Variants in RIT2 observed in about 807,000 individuals in gnomAD.
RIT2 encodes Ras like without CAAX 2.
RIT2 carries 24 observed loss-of-function variants against 23.7 expected under a neutral mutation model. The ratio of observed to expected loss-of-function variants is 1.01; its 90% CI spans 0.73 to 1.43. The LOEUF is 1.43. Ranked by LOEUF, RIT2 falls within the 40% of genes most tolerant of loss-of-function variation. RIT2 has a pLI of 0.00. For synonymous variants in RIT2, 107 were observed against 91.1 expected, an observed-to-expected ratio of 1.17 and a Z score of -0.99; for missense variants, 236 against 266.9, an observed-to-expected ratio of 0.88 and a Z score of 0.81.
At chr18:43,103,193 A>G (rs950220748) in intron 1 of RIT2, among the ~76,000 whole-genome samples, 6 of 152,006 alleles carry the variant, frequency 3.9e-5, no homozygotes, top group African/African-American at 1.4e-4. Context: ...TTCTTTCTCT[A>G]TTATTCATGG....
chr18:42,878,576 T>C (rs1273032776), intron 4 of RIT2, among the ~76,000 whole-genome samples: 3 of 151,372 alleles, frequency 2.0e-5, no homozygotes, highest in African/African-American at 7.3e-5. Flanking sequence ...TGTGTGTGTG[T>C]GTGTGTGTGT....
intron 1 of RIT2, among the ~76,000 whole-genome samples, chr18:43,077,888 C>T (rs774102023): frequency 6.6e-6 from 1 of 152,106 alleles, no homozygotes; most frequent in African/African-American, 2.4e-5. Flanking sequence ...ATTATGCTTC[C>T]ATTTTCTGTG....
intron 4 of RIT2, among the ~76,000 whole-genome samples, chr18:42,828,779 A>C (rs559178313): frequency 5.2e-4 from 79 of 152,242 alleles, no homozygotes; most frequent in Non-Finnish European, 1.1e-3. Flanking sequence ...AGGCGACTGA[A>C]AAGGCTTAGA....
At chr18:42,954,716 C>G (rs540903908) in intron 3 of RIT2, among the ~76,000 whole-genome samples, 17 of 152,044 alleles carry the variant, frequency 1.1e-4, no homozygotes, top group Non-Finnish European at 2.5e-4. Flanking sequence ...TACAACGTAG[C>G]CTTCAGATGA....
chr18:42,788,687 AC>A (rs1296879317), intron 4 of RIT2, among the ~76,000 whole-genome samples: 1 of 152,202 alleles, frequency 6.6e-6, no homozygotes, highest in African/African-American at 2.4e-5. Context: ...AATTCTAATT[AC>A]TATTTGAAAG....
chr18:43,077,052 G>A (rs1913039783), intron 1 of RIT2, among the ~76,000 whole-genome samples: 3 of 135,364 alleles, frequency 2.2e-5, no homozygotes, highest in South Asian at 4.8e-4. Flanking sequence ...GCAGTGAGCC[G>A]AGATCCCGCC....
At chr18:43,093,499 C>A (rs562235031) in intron 1 of RIT2, among the ~76,000 whole-genome samples, 1 of 149,134 alleles carries the variant, frequency 6.7e-6, no homozygotes, top group Admixed American at 6.9e-5. Context: ...TTTATTTATT[C>A]CCCCTTTGTT....
Position 42,758,210 on chromosome 18 carries a change from A to G in RIT2, c.427-14490T>C, listed in dbSNP as rs567275149. 4.0e-4 allele frequency among the ~76,000 whole-genome samples: 61 copies of G among 151,322 alleles called. No homozygotes were observed. In the South Asian group the frequency reaches 0.012, roughly 29 times the overall value. On this transcript the variant is annotated intron_variant, in intron 4 of 4. Coordinates refer to ENST00000326695, the MANE Select transcript of RIT2 (RefSeq NM_002930.4). ...TAGGGCTGGGGAAGGAAAGGATTAG[A>G]AAAAAAAAGACGTACAATTTCAAAA...
intron 2 of RIT2, among the ~76,000 whole-genome samples, chr18:43,005,751 T>A (rs1400880144): frequency 3.3e-5 from 5 of 151,838 alleles, no homozygotes; most frequent in African/African-American, 1.2e-4. Context: ...TTAAGACTTA[T>A]TACTGAATGC....
intron 2 of RIT2, among the ~76,000 whole-genome samples, chr18:42,981,614 C>T (rs11663120): frequency 0.46 from 70,249 of 151,262 alleles, 19,995 homozygotes; most frequent in Non-Finnish European, 0.66. Flanking sequence ...GCCATAATCT[C>T]GAATGTTGAA....
At position 43,089,337 on chromosome 18, in the gene RIT2, A is replaced by G. The variant is rs553055012; in HGVS notation, c.103+26080T>C. The stretch of plus-strand genomic sequence containing the variant: ...AATCACATTCACAATTGCCATAAAA[A>G]AGAATAAAATACCTAGGAATACAGC... On this transcript the variant is annotated intron_variant, in intron 1 of 4. Coordinates refer to ENST00000326695, the MANE Select transcript of RIT2 (RefSeq NM_002930.4). 1.1e-3 allele frequency among the ~76,000 whole-genome samples: 172 copies of G among 152,170 alleles called. 1 individual carries two copies. Among genetic ancestry groups the G allele is most frequent in the Non-Finnish European group, 1.9e-3 (128 of 67,956 alleles).
At chr18:42,877,479 AT>A (rs1156329539) in intron 4 of RIT2, among the ~76,000 whole-genome samples, 8 of 150,546 alleles carry the variant, frequency 5.3e-5, no homozygotes, top group African/African-American at 1.7e-4. Flanking sequence ...TGAGTAAACA[AT>A]TTAAAAAAAA....
At chr18:43,029,107 A>G (rs1165113002) in intron 2 of RIT2, among the ~76,000 whole-genome samples, 1 of 152,038 alleles carries the variant, frequency 6.6e-6, no homozygotes, top group Non-Finnish European at 1.5e-5. Context: ...TTCCCAAGTC[A>G]TTCAGGAAGA....
intron 4 of RIT2, among the ~76,000 whole-genome samples, chr18:42,864,998 A>C (rs1907432661): frequency 6.6e-6 from 1 of 152,198 alleles, no homozygotes; most frequent in Non-Finnish European, 1.5e-5. Flanking sequence ...TCTGATTGAC[A>C]AGAGTCCATA....
intron 4 of RIT2, among the ~76,000 whole-genome samples, chr18:42,761,089 TTTCTC>T (rs1203623029): frequency 2.0e-5 from 3 of 152,242 alleles, no homozygotes; most frequent in Admixed American, 6.5e-5. Context: ...TAGAGTCACT[TTTCTC>T]TTCAATCTGT....
chr18:42,999,710 A>G (rs1392853954), intron 2 of RIT2, among the ~76,000 whole-genome samples: 1 of 152,204 alleles, frequency 6.6e-6, no homozygotes, highest in South Asian at 2.1e-4. Context: ...GAAGGTTTTA[A>G]TTTCATGATT....
At chr18:43,045,208 A>G (rs1912218341) in intron 1 of RIT2, among the ~76,000 whole-genome samples, 1 of 152,190 alleles carries the variant, frequency 6.6e-6, no homozygotes. Context: ...CCATTCTTAC[A>G]GCATAATAAC....
intron 4 of RIT2, among the ~76,000 whole-genome samples, chr18:42,916,632 A>G (rs187075115): frequency 4.6e-4 from 70 of 152,238 alleles, no homozygotes; most frequent in Non-Finnish European, 8.7e-4. Context: ...TATTAGAAGA[A>G]TAATAACCCA....
intron 3 of RIT2, among the ~76,000 whole-genome samples, chr18:42,931,937 C>T (rs948819942): frequency 6.6e-6 from 1 of 152,128 alleles, no homozygotes; most frequent in Non-Finnish European, 1.5e-5. Context: ...CATGCACACA[C>T]ATACCCACAC....
Sources: allele counts gnomAD v4.1 joint callset (sites outside exome capture counted in the v4.1 genomes callset), GRCh38; gene constraint gnomAD v4.1.1; transcripts MANE v1.5; gene names NCBI Gene and HGNC (gene_info 2026-07-23, HGNC 2026-07-21).